The following ACSL4 variants were observed in gnomAD, a reference collection of about 807,000 sequenced individuals.
The protein encoded by ACSL4 is acyl-CoA synthetase long chain family member 4.
A neutral mutation model predicts 49.1 loss-of-function variants in ACSL4; 9 were observed. That is an observed-to-expected ratio of 0.18 (90% CI 0.11 to 0.32). The LOEUF (loss-of-function observed/expected upper bound fraction) is 0.32, where lower values mean the gene tolerates loss of function less well. Among genes scored for constraint, ACSL4 ranks in the 10% least tolerant of loss-of-function variants. ACSL4 has a pLI of 1.00. For missense variants in ACSL4, 333 were observed against 493.7 expected (o/e 0.67, Z 3.08); for synonymous variants, 191 against 170.3 (o/e 1.12, Z -0.95).
At chrX:109,713,892 G>C (rs994099598) in intron 1 of ACSL4, among the ~76,000 whole-genome samples, 1 of 112,463 alleles carries the variant, frequency 8.9e-6, no homozygotes, top group African/African-American at 3.2e-5. Flanking sequence ...CTGTAGACTA[G>C]TGAAGTCACA....
chrX:109,657,810 T>G (rs1921813532), intron 15 of ACSL4, among the ~76,000 whole-genome samples: 1 of 111,731 alleles, frequency 9.0e-6, no homozygotes, highest in Non-Finnish European at 1.9e-5. Context: ...TCCACAATGG[T>G]CGAACTAGTT....
chrX:109,646,260 G>A (rs1199936182), intron 15 of ACSL4, among the ~76,000 whole-genome samples: 2 of 111,520 alleles, frequency 1.8e-5, no homozygotes, highest in African/African-American at 3.3e-5. Flanking sequence ...AATGTTAAGG[G>A]CAGCCAGAGA....
chrX:109,725,648 G>C (rs1281485615), intron 1 of ACSL4, among the ~76,000 whole-genome samples: 2 of 110,316 alleles, frequency 1.8e-5, no homozygotes, highest in Non-Finnish European at 3.8e-5. Flanking sequence ...CTGTAGTCAG[G>C]AGAATGGCGT....
At chrX:109,718,230 T>C (rs1927272853) in intron 1 of ACSL4, among the ~76,000 whole-genome samples, 1 of 112,510 alleles carries the variant, frequency 8.9e-6, no homozygotes, top group South Asian at 3.6e-4. Flanking sequence ...TGATGCGAAA[T>C]TGAAGAAATC....
In ACSL4 at chrX:109,659,427, A is replaced by C. The variant is rs749815932; in HGVS notation, c.1782T>G (p.Thr594=). 5.8e-6 allele frequency: 7 copies of C among 1,204,954 alleles called. No individual in the cohort carries two copies. The African/African-American group carries it at 1.2e-4, about 21-fold the overall frequency. Residue 594 remains threonine (T), a synonymous_variant, in exon 15 of 16, where the codon ACT becomes ACG. Transcript: ENST00000672401. ...CAGGATTATTGCAGATATCAACCCA[A>C]GTTCCTTCTACCCCTTTCTGTTGTG... ...LLAQQKGVEG[T]WVDICNNPAM...
chrX:109,697,742 A>G (rs1345905505), intron 1 of ACSL4, among the ~76,000 whole-genome samples: 1 of 106,166 alleles, frequency 9.4e-6, no homozygotes, highest in Non-Finnish European at 1.9e-5. Context: ...TTGCATATAG[A>G]TATTAAAATA....
At chrX:109,708,331 A>G (rs1388662452) in intron 1 of ACSL4, among the ~76,000 whole-genome samples, 2 of 112,557 alleles carry the variant, frequency 1.8e-5, no homozygotes, top group African/African-American at 3.2e-5. Flanking sequence ...ATTTAATAAT[A>G]AAGTAGAAAA....
chrX:109,730,292 T>C (rs912211450), intron 1 of ACSL4, among the ~76,000 whole-genome samples: 1 of 112,250 alleles, frequency 8.9e-6, no homozygotes, highest in Admixed American at 9.4e-5. Context: ...AGAAAGAGTA[T>C]ATAAGACCAG....
intron 8 of ACSL4, among the ~76,000 whole-genome samples, chrX:109,676,823 C>T (rs935966461): frequency 1.8e-5 from 2 of 111,929 alleles, no homozygotes; most frequent in East Asian, 2.8e-4. Flanking sequence ...GATGCCTCAG[C>T]CCCTACCAAT....
At chrX:109,665,670 G>A (rs1922570757) in intron 11 of ACSL4, among the ~76,000 whole-genome samples, 176 bp from the exon 12 acceptor site, 1 of 109,057 alleles carries the variant, frequency 9.2e-6, no homozygotes, top group Admixed American at 9.9e-5. Flanking sequence ...TTCCATTGTT[G>A]TTACATCATT....
chrX:109,681,003 T>C lies in ACSL4; in HGVS notation c.650A>G (p.Glu217Gly). ...GTTTTTACTGCTTTACTTACAGTTT[T>C]CTGGGTTAGATCCCAACTCTTCTAC... ...QSVEELGSNP[E>G]NLGIPPSRPT... Residue 217 changes from glutamate to glycine, a missense_variant, in exon 6 of 16, where the codon GAA (glutamate) becomes GGA (glycine). Coordinates refer to ENST00000672401, the MANE Select transcript of ACSL4 (RefSeq NM_001318510.2). 8.3e-7 allele frequency: 1 copy of C among 1,211,009 alleles called. No homozygotes were observed. Among genetic ancestry groups the C allele is most frequent in the Non-Finnish European group, 1.1e-6 (1 of 894,985 alleles).
chrX:109,660,458 T>C (rs887806389), intron 14 of ACSL4, among the ~76,000 whole-genome samples: 21 of 111,915 alleles, frequency 1.9e-4, no homozygotes, highest in African/African-American at 6.5e-4. Flanking sequence ...GTGGAGGAAC[T>C]AGAATGTTTG....
At chrX:109,679,974 T>C (rs924852269) in intron 6 of ACSL4, among the ~76,000 whole-genome samples, 1 of 111,921 alleles carries the variant, frequency 8.9e-6, no homozygotes, top group African/African-American at 3.2e-5. Context: ...AGCAGAGACA[T>C]TGACTTTGTT....
chrX:109,684,636 CTA>C (rs779169796), intron 2 of ACSL4, among the ~76,000 whole-genome samples: 15 of 112,198 alleles, frequency 1.3e-4, no homozygotes, highest in Non-Finnish European at 2.4e-4. Context: ...TAATACATAA[CTA>C]CCATGTGCAG....
chrX:109,706,702 ACAAACAGATTACATAACAG>A (rs1926375837), intron 1 of ACSL4, among the ~76,000 whole-genome samples: 1 of 112,386 alleles, frequency 8.9e-6, no homozygotes, highest in Admixed American at 9.4e-5. Flanking sequence ...AATATTTTGG[ACAAACAGATTACATAACAG>A]CAAACACTGA....
chrX:109,649,133 T>C (rs1262646202), intron 15 of ACSL4, among the ~76,000 whole-genome samples: 2 of 111,360 alleles, frequency 1.8e-5, no homozygotes, highest in East Asian at 5.6e-4. Flanking sequence ...GCCATCCCCA[T>C]CAAGCTATCA....
intron 1 of ACSL4, among the ~76,000 whole-genome samples, chrX:109,703,677 A>C (rs138642442): frequency 0.019 from 2,075 of 111,755 alleles, 39 homozygotes; most frequent in Admixed American, 0.07. Flanking sequence ...CACGCCTGTA[A>C]TCCCAGCACT....
rs184203532 is a variant in ACSL4 at position 109,664,309 on chromosome X, T to C, written c.1391-907A>G. On this transcript the variant is annotated intron_variant, in intron 12 of 15. Coordinates refer to ENST00000672401, the MANE Select transcript of ACSL4 (RefSeq NM_001318510.2). ...CCAGGAAATCAGAAAATAAAAATTA[T>C]AGTAAAACTTGGTAAGGAGATTTTT... 3.8e-3 allele frequency among the ~76,000 whole-genome samples: 428 copies of C among 111,820 alleles called. 7 individuals carry two copies. Among genetic ancestry groups the C allele is most frequent in the African/African-American group, 0.013 (412 of 30,829 alleles).
At position 109,677,231 on chromosome X, in the gene ACSL4, G is replaced by A. The variant is rs907811340; in HGVS notation, c.930+757C>T. Among the ~76,000 whole-genome samples the A allele has an allele frequency of 5.5e-5, 6 of 109,523 alleles. No individual in the cohort carries two copies. In the East Asian group the frequency reaches 1.2e-3, roughly 21 times the overall value. On this transcript the variant is annotated intron_variant, in intron 8 of 15. Coordinates refer to ENST00000672401, the MANE Select transcript of ACSL4 (RefSeq NM_001318510.2). ...CCCGCCTCGGCCTCCCAAAGTGCTG[G>A]GATTACAGGCATGAGCCACCGCGCC...
Sources: gnomAD v4.1 joint callset for allele counts (sites outside exome capture counted in the v4.1 genomes callset) on GRCh38, gnomAD v4.1.1 for gene constraint, MANE v1.5 for transcripts, NCBI Gene and HGNC (gene_info 2026-07-23, HGNC 2026-07-21) for gene names.